The following PGK1 variants were observed in gnomAD, a reference collection of about 807,000 sequenced individuals.
PGK1 encodes the protein PRP 2.
Under a neutral mutation model 26.9 loss-of-function variants are expected in PGK1, and 3 were observed. That is an observed-to-expected ratio of 0.11 (90% confidence interval 0.05 to 0.29). PGK1 has a LOEUF of 0.29. Among genes scored for constraint, PGK1 ranks in the 10% least tolerant of loss-of-function variants. The probability of loss-of-function intolerance (pLI) is 1.00; values close to 1 mark genes in which losing one functional copy is unlikely to be tolerated. For synonymous variants in PGK1, 125 were observed against 115.3 expected (o/e 1.08, Z -0.54); for missense variants, 270 against 314.7 (o/e 0.86, Z 1.07).
chrX:78,109,648 A>C (rs1340349116), intron 1 of PGK1, among the ~76,000 whole-genome samples: 1 of 111,421 alleles, frequency 9.0e-6, no homozygotes, highest in Non-Finnish European at 1.9e-5. Context: ...GTTAAGAGAT[A>C]GAACATTACC....
Position 78,127,963 on chromosome X carries a change from C to G in PGK1, c.*2133C>G, listed in dbSNP as rs1242709625. On this transcript the variant is annotated 3_prime_UTR_variant, in exon 11 of 11. Transcript: ENST00000373316. The stretch of plus-strand genomic sequence containing the variant: ...AGCATAAACTCCCATAAACCCAGCA[C>G]CTAGACTCTACAATTGCCAACATTA... 8.9e-6 allele frequency: 1 copy of G among 112,023 alleles called. No homozygotes were observed. Among genetic ancestry groups the G allele is most frequent in the African/African-American group, 3.2e-5 (1 of 30,793 alleles). The allele number at this position is 112,023 out of a possible 1,213,427, so 9.2% of individuals were successfully genotyped here. A position where few individuals can be genotyped will look rare whatever the true frequency, so the allele number is the denominator to read the frequency against.
intron 1 of PGK1, among the ~76,000 whole-genome samples, chrX:78,108,390 G>T (rs1490435318): frequency 1.8e-5 from 2 of 112,483 alleles, no homozygotes; most frequent in Non-Finnish European, 3.8e-5. Flanking sequence ...AGGCTGGCAG[G>T]CTCCTTGTTC....
chrX:78,125,666 C>T (rs1483564470), intron 10 of PGK1, 124 bp from the exon 11 acceptor site: 13 of 684,281 alleles, frequency 1.9e-5, no homozygotes, highest in Non-Finnish European at 3.1e-5. Flanking sequence ...TAAAAGTTGG[C>T]CAGCTCCTGG....
chrX:78,124,823 T>C (rs781813870), intron 8 of PGK1, 51 bp from the exon 9 acceptor site: 2 of 1,087,670 alleles, frequency 1.8e-6, no homozygotes, highest in Admixed American at 4.4e-5. Flanking sequence ...GAGGTGGTGT[T>C]TAAGTAGCTT....
intron 10 of PGK1, among the ~76,000 whole-genome samples, 168 bp downstream of exon 10, chrX:78,125,593 G>A (rs1275124959): frequency 5.4e-5 from 6 of 111,494 alleles, no homozygotes; most frequent in Non-Finnish European, 1.1e-4. Context: ...CCACTGAGGC[G>A]GGGAGGGACA....
rs1013552548 is a variant in PGK1, at chrX:78,128,544, C to G, written c.*2714C>G. 2.7e-5 allele frequency: 3 copies of G among 111,608 alleles called. No homozygotes were observed. Among genetic ancestry groups the G allele is most frequent in the African/African-American group, 9.8e-5 (3 of 30,598 alleles). The allele number at this position is 111,608 out of a possible 1,213,427, so 9.2% of individuals were successfully genotyped here. ...TGGGCGACAGAGTGAGACTCTGCCTCAAAACAAAAACCCCACAAAACAGTA... is the reference window on the plus strand; with the variant it reads ...TGGGCGACAGAGTGAGACTCTGCCTGAAAACAAAAACCCCACAAAACAGTA... On this transcript the variant is annotated 3_prime_UTR_variant, in exon 11 of 11. Coordinates refer to ENST00000373316, the MANE Select transcript of PGK1 (RefSeq NM_000291.4).
chrX:78,104,292 T>C lies in PGK1; in HGVS notation c.-49T>C. ...TCCGGAGCGCACGTCGGCAGTCGGC[T>C]CCCTCGTTGACCGAATCACCGACCT... On this transcript the variant is annotated 5_prime_UTR_variant, in exon 1 of 11. Coordinates refer to ENST00000373316, the MANE Select transcript of PGK1 (RefSeq NM_000291.4). 1.0e-6 allele frequency: 1 copy of C among 978,390 alleles called. No individual in the cohort carries two copies. Among genetic ancestry groups the C allele is most frequent in the Non-Finnish European group, 1.5e-6 (1 of 684,811 alleles). 80.6% of individuals were successfully genotyped at this position (978,390 alleles called of 1,213,427 possible).
chrX:78,117,257 C>T, intron 4 of PGK1, 55 bp from the exon 5 acceptor site: 4 of 839,029 alleles, frequency 4.8e-6, no homozygotes, highest in East Asian at 3.1e-5. Flanking sequence ...GTATGAAATG[C>T]TTTTATAGTT....
intron 8 of PGK1, among the ~76,000 whole-genome samples, chrX:78,123,773 T>A (rs2149136460): frequency 9.0e-6 from 1 of 110,517 alleles, no homozygotes; most frequent in Non-Finnish European, 1.9e-5. Context: ...CATGCCCAGC[T>A]AATTTTTGTA....
intron 1 of PGK1, among the ~76,000 whole-genome samples, chrX:78,109,511 G>C (rs782488495): frequency 2.7e-5 from 3 of 110,387 alleles, no homozygotes; most frequent in African/African-American, 3.3e-5. Context: ...TTCAGGGCTA[G>C]TTCCTGTGAT....
chrX:78,123,506 G>A (rs1557248288), intron 8 of PGK1, 132 bp downstream of exon 8: 5 of 532,327 alleles, frequency 9.4e-6, no homozygotes, highest in Non-Finnish European at 1.6e-5. Context: ...GGCTCTGCAT[G>A]TTGCAGTGAG....
chrX:78,122,409 T>TTGTGTGTGTGTGTGTGTG (rs201442984), intron 6 of PGK1, among the ~76,000 whole-genome samples: 1 of 88,949 alleles, frequency 1.1e-5, no homozygotes, highest in Non-Finnish European at 2.2e-5. Flanking sequence ...TGCTCTGAAT[T>TTGTGTGTGTGTGTGTGTG]TGTGTGTGTG....
chrX:78,124,651 A>G (rs1275316879), intron 8 of PGK1, among the ~76,000 whole-genome samples: 4 of 112,210 alleles, frequency 3.6e-5, no homozygotes, highest in African/African-American at 1.3e-4. Flanking sequence ...TGTGGCTAAG[A>G]ATGTCTTTAT....
At chrX:78,114,437 A>G (rs2078316756) in intron 4 of PGK1, among the ~76,000 whole-genome samples, 1 of 111,859 alleles carries the variant, frequency 8.9e-6, no homozygotes, top group South Asian at 3.8e-4. Context: ...TTTGAGGTGA[A>G]AGAGTATTCA....
At chrX:78,104,952 C>T (rs2078263377) in intron 1 of PGK1, among the ~76,000 whole-genome samples, 1 of 111,941 alleles carries the variant, frequency 8.9e-6, no homozygotes, top group Non-Finnish European at 1.9e-5. Flanking sequence ...GAGGGTAGGG[C>T]GGGGCGAACT....
intron 8 of PGK1, among the ~76,000 whole-genome samples, chrX:78,123,751 G>A (rs1340203303): frequency 9.1e-6 from 1 of 109,783 alleles, no homozygotes; most frequent in Non-Finnish European, 1.9e-5. Context: ...TGGGACTACA[G>A]GTGTGCACCA....
chrX:78,106,547 G>C, intron 1 of PGK1: 1 of 753,757 alleles, frequency 1.3e-6, no homozygotes, highest in Admixed American at 8.6e-5. Context: ...CGGTGTTTCC[G>C]GAATGGGGCT....
intron 1 of PGK1, among the ~76,000 whole-genome samples, chrX:78,105,291 C>G (rs1472258613): frequency 1.8e-5 from 2 of 111,629 alleles, no homozygotes; most frequent in Admixed American, 1.9e-4. Context: ...CTTTTTGTCA[C>G]GTGTGATATA....
At chrX:78,113,700 C>T in intron 2 of PGK1, 44 bp from the exon 3 acceptor site, 1 of 1,162,603 alleles carries the variant, frequency 8.6e-7, no homozygotes, top group Non-Finnish European at 1.2e-6. Context: ...CCACTAATTT[C>T]TAGGAGTAAC....
Sources: allele counts gnomAD v4.1 joint callset (sites outside exome capture counted in the v4.1 genomes callset), GRCh38; gene constraint gnomAD v4.1.1; transcripts MANE v1.5; gene names NCBI Gene and HGNC (gene_info 2026-07-23, HGNC 2026-07-21).